The following FMN1 variants were observed in gnomAD, a reference collection of about 807,000 sequenced individuals.
The protein encoded by FMN1 is formin 1, also known as formin-1.
Under a neutral mutation model 132.4 loss-of-function variants are expected in FMN1, and 110 were observed. The observed-to-expected ratio is 0.83, with a 90% CI of 0.71 to 0.97. FMN1 has a LOEUF of 0.97. Ranked by LOEUF, FMN1 falls within the 50% of genes least tolerant of loss-of-function variation. The pLI, the probability that FMN1 is intolerant of heterozygous loss-of-function variation, is 0.00. For synonymous variants in FMN1, 722 were observed against 651.7 expected, an observed-to-expected ratio of 1.11 and a Z score of -1.64; for missense variants, 1,792 against 1,705.3, an observed-to-expected ratio of 1.05 and a Z score of -0.90.
At chr15:32,858,371 C>A (rs2059184630) in intron 16 of FMN1, among the ~76,000 whole-genome samples, 1 of 152,128 alleles carries the variant, frequency 6.6e-6, no homozygotes. Context: ...TTGCAGAAAT[C>A]CTAGACAACC....
Position 33,102,075 on chromosome 15 carries a change from TA to T in FMN1, c.1868-13102del, listed in dbSNP as rs141060359. Among the ~76,000 whole-genome samples, 85 of 152,278 alleles carry T rather than the reference TA, an allele frequency of 5.6e-4. 1 individual carries two copies. The East Asian group carries it at 0.014, about 25-fold the overall frequency. ...CAAACTAAGTTTATCTCCCCTTTTC[TA>T]TTCTTTTGGGTGTACTCTGTACATG... On this transcript the variant is annotated intron_variant, in intron 4 of 20. Transcript: ENST00000616417.
chr15:33,154,508 G>C lies in FMN1; in HGVS notation c.407C>G (p.Ala136Gly). The C allele has an allele frequency of 6.5e-7, 1 of 1,536,058 alleles. No individual in the cohort carries two copies. Residue 136 changes from alanine to glycine, a missense_variant, in exon 4 of 21, where the codon GCT becomes GGT. Physicochemically the swap from Ala to Gly is moderately conservative, Grantham distance 60. Transcript: ENST00000616417. ...LAPEDDCFQSAGDWQGELPVG... is the reference protein window; with the variant it reads ...LAPEDDCFQSGGDWQGELPVG... Reference sequence around the variant, plus strand: ...GGGGAGCTCTCCCTGCCAGTCACCAGCACTCTGGAAACAGTCATCCTCGGG... The same window carrying C: ...GGGGAGCTCTCCCTGCCAGTCACCACCACTCTGGAAACAGTCATCCTCGGG...
At chr15:33,016,211 A>C (rs949920231) in intron 6 of FMN1, among the ~76,000 whole-genome samples, 1 of 152,242 alleles carries the variant, frequency 6.6e-6, no homozygotes, top group African/African-American at 2.4e-5. Context: ...AAAATATGCT[A>C]ATCACTGACA....
chr15:33,018,433 G>C (rs766263383), intron 6 of FMN1, among the ~76,000 whole-genome samples: 8 of 152,032 alleles, frequency 5.3e-5, no homozygotes, highest in African/African-American at 1.7e-4. Flanking sequence ...AGGTTGAGTC[G>C]CTCACCAATG....
intron 7 of FMN1, among the ~76,000 whole-genome samples, chr15:32,979,094 G>A (rs752439447): frequency 6.4e-4 from 97 of 152,144 alleles, no homozygotes; most frequent in Non-Finnish European, 1.0e-4. Context: ...GGGCTCAGAG[G>A]AGTGGTTGGT....
At chr15:32,959,569 G>A (rs1020646148) in intron 9 of FMN1, among the ~76,000 whole-genome samples, 7 of 152,190 alleles carry the variant, frequency 4.6e-5, no homozygotes, top group African/African-American at 1.4e-4. Flanking sequence ...AGAAAAGCAA[G>A]CACTACACAA....
chr15:32,816,236 G>C (rs1321277852), intron 17 of FMN1, among the ~76,000 whole-genome samples: 1 of 152,072 alleles, frequency 6.6e-6, no homozygotes, highest in Non-Finnish European at 1.5e-5. Flanking sequence ...ACACTTCCTA[G>C]ACCCACATAC....
chr15:33,012,759 C>G, intron 6 of FMN1: 1 of 726,996 alleles, frequency 1.4e-6, no homozygotes, highest in Non-Finnish European at 2.5e-6. Context: ...GGAACGACAT[C>G]TTTGGTTATG....
chr15:32,908,661 G>A (rs1439569502), intron 11 of FMN1, 83 bp from the exon 12 acceptor site: 1 of 803,964 alleles, frequency 1.2e-6, no homozygotes, highest in Non-Finnish European at 2.0e-6. Flanking sequence ...GGGTCTCAAA[G>A]TCTCGAAGTG....
intron 16 of FMN1, among the ~76,000 whole-genome samples, chr15:32,876,915 A>G (rs188686416): frequency 5.3e-5 from 8 of 150,726 alleles, no homozygotes; most frequent in Admixed American, 4.6e-4. Context: ...TACAAGTGTC[A>G]TTTTCCATGA....
At chr15:33,169,455 A>C (rs1243896235) in intron 3 of FMN1, among the ~76,000 whole-genome samples, 6 of 152,192 alleles carry the variant, frequency 3.9e-5, no homozygotes, top group Non-Finnish European at 7.4e-5. Flanking sequence ...TATACGCAAT[A>C]AAAAAATTCA....
intron 5 of FMN1, among the ~76,000 whole-genome samples, chr15:33,078,756 T>C (rs2038327158): frequency 1.3e-5 from 2 of 152,078 alleles, no homozygotes; most frequent in East Asian, 1.9e-4. Flanking sequence ...AAATAGCTCA[T>C]ATGGGTTGTA....
intron 18 of FMN1, 86 bp from the exon 19 acceptor site, chr15:32,799,039 C>A (rs1452575168): frequency 8.8e-7 from 1 of 1,136,512 alleles, no homozygotes; most frequent in South Asian, 1.6e-5. Context: ...ATGCTGGGGG[C>A]AGTTTCTCTT....
At chr15:32,892,526 G>T (rs2060056449) in intron 15 of FMN1, among the ~76,000 whole-genome samples, 1 of 152,152 alleles carries the variant, frequency 6.6e-6, no homozygotes, top group South Asian at 2.1e-4. Context: ...TTTCGTTTTT[G>T]GTTATGTCCT....
At chr15:32,874,019 T>TTTTA (rs2059581210) in intron 16 of FMN1, among the ~76,000 whole-genome samples, 1 of 138,254 alleles carries the variant, frequency 7.2e-6, no homozygotes. Flanking sequence ...TTTTAGTTGT[T>TTTTA]TTTTTTTTTT....
chr15:32,992,542 G>C (rs1428746853), intron 7 of FMN1, among the ~76,000 whole-genome samples: 1 of 152,096 alleles, frequency 6.6e-6, no homozygotes, highest in Non-Finnish European at 1.5e-5. Context: ...TCATATCTTA[G>C]TTTACAAACT....
intron 6 of FMN1, among the ~76,000 whole-genome samples, chr15:33,009,313 T>A (rs1407219947): frequency 6.6e-6 from 1 of 152,188 alleles, no homozygotes; most frequent in Non-Finnish European, 1.5e-5. Context: ...CCACTGTAAC[T>A]GATGCTCATC....
chr15:32,849,185 GTT>G (rs1439651648), intron 17 of FMN1, among the ~76,000 whole-genome samples: 1 of 150,934 alleles, frequency 6.6e-6, no homozygotes, highest in Non-Finnish European at 1.5e-5. Context: ...TAGACACGGG[GTT>G]TCATCGTGTT....
intron 3 of FMN1, among the ~76,000 whole-genome samples, chr15:33,174,241 G>A (rs1965433720): frequency 6.6e-6 from 1 of 152,132 alleles, no homozygotes; most frequent in African/African-American, 2.4e-5. Flanking sequence ...GGGTTTCTTT[G>A]GAAGGTTTGC....
Sources: gnomAD v4.1 joint callset for allele counts (sites outside exome capture counted in the v4.1 genomes callset) on GRCh38, gnomAD v4.1.1 for gene constraint, MANE v1.5 for transcripts, NCBI Gene and HGNC (gene_info 2026-07-23, HGNC 2026-07-21) for gene names.